CPED1: variants seen among roughly 807,000 people sequenced by gnomAD.
CPED1 encodes the protein cadherin-like and PC-esterase domain-containing protein 1.
A neutral mutation model predicts 128.2 loss-of-function variants in CPED1; 114 were observed. The ratio of observed to expected loss-of-function variants is 0.89; its 90% CI spans 0.76 to 1.04. The LOEUF (loss-of-function observed/expected upper bound fraction) is 1.04. CPED1 is among the 50% of genes least tolerant of loss of function. The pLI, the probability that CPED1 is intolerant of heterozygous loss-of-function variation, is 0.00. For synonymous variants in CPED1, 462 were observed against 426.7 expected (o/e 1.08, Z -1.02); for missense variants, 1,211 against 1,207.1 (o/e 1.00, Z -0.05).
intron 16 of CPED1, among the ~76,000 whole-genome samples, chr7:121,224,956 G>T (rs554318816): frequency 6.6e-6 from 1 of 151,970 alleles, no homozygotes; most frequent in African/African-American, 2.4e-5. Context: ...TTTAATTGGG[G>T]CATTTAGCCC....
At chr7:121,245,167 T>A (rs529426235) in intron 18 of CPED1, among the ~76,000 whole-genome samples, 1 of 152,288 alleles carries the variant, frequency 6.6e-6, no homozygotes, top group Non-Finnish European at 1.5e-5. Flanking sequence ...GGGCAGAAGG[T>A]ATGCCAATTT....
At chr7:121,159,944 A>G (rs917261645) in intron 16 of CPED1, among the ~76,000 whole-genome samples, 7 of 152,212 alleles carry the variant, frequency 4.6e-5, no homozygotes, top group African/African-American at 1.4e-4. Context: ...TTAATATGAC[A>G]TTCTTGAAAA....
chr7:121,011,567 C>T (rs1376771197), intron 2 of CPED1, among the ~76,000 whole-genome samples: 1 of 152,094 alleles, frequency 6.6e-6, no homozygotes, highest in African/African-American at 2.4e-5. Context: ...TATTATGTGT[C>T]TCTTATATGC....
At chr7:121,077,425 G>A (rs1471410795) in intron 5 of CPED1, among the ~76,000 whole-genome samples, 1 of 151,820 alleles carries the variant, frequency 6.6e-6, no homozygotes, top group African/African-American at 2.4e-5. Flanking sequence ...ATACAGATAA[G>A]CAAAAAGAAA....
rs5887026 is a variant in CPED1, at chr7:121,275,936, TAAAA to T, written c.2868+4516_2868+4519del. Reference sequence around the variant, plus strand: ...AGAAAGAAACTTTAAATTCATCCGGTAAAAAAAAAAAAACTGAAATAATGACTTT... The same window carrying T: ...AGAAAGAAACTTTAAATTCATCCGGTAAAAAAAAACTGAAATAATGACTTT... On this transcript the variant is annotated intron_variant, in intron 22 of 22. Transcript: ENST00000310396. Among the ~76,000 whole-genome samples, 144 of 129,452 alleles carry T rather than the reference TAAAA, an allele frequency of 1.1e-3. 1 individual carries two copies. The highest frequency in any genetic ancestry group is 3.8e-3 in the African/African-American group (138 of 35,946). The allele number at this position is 129,452 out of a possible 152,430, so 84.9% of individuals were successfully genotyped here.
rs753671189 is a variant in CPED1 at position 121,100,086 on chromosome 7, A to G, written c.910A>G (p.Thr304Ala). ...VWNPPKKKRF[T>A]VKLQTFFETF... is the part of the protein sequence containing the mutation. Reference sequence around the variant, plus strand: ...GAATCCACCAAAGAAAAAACGCTTCACTGTCAAGGTAAGCTCTCGGTTGAA... The same window carrying G: ...GAATCCACCAAAGAAAAAACGCTTCGCTGTCAAGGTAAGCTCTCGGTTGAA... Residue 304 changes from threonine (T) to alanine (A), a missense_variant, in exon 7 of 23, where the codon ACT becomes GCT. Transcript: ENST00000310396. The G allele has an allele frequency of 2.5e-6, 4 of 1,613,262 alleles. No homozygotes were observed. The highest frequency in any genetic ancestry group is 2.2e-5 in the South Asian group (2 of 90,986).
At chr7:121,277,222 C>G (rs1792347615) in intron 22 of CPED1, among the ~76,000 whole-genome samples, 1 of 151,992 alleles carries the variant, frequency 6.6e-6, no homozygotes, top group South Asian at 2.1e-4. Flanking sequence ...GAGAAACTGG[C>G]AATTGAGACA....
intron 5 of CPED1, among the ~76,000 whole-genome samples, chr7:121,090,890 A>T (rs12534510): frequency 6.6e-6 from 1 of 151,954 alleles, no homozygotes; most frequent in South Asian, 2.1e-4. Context: ...CAGAGGTTGT[A>T]GTGAGCCGAG....
At chr7:121,193,192 T>C (rs899175858) in intron 16 of CPED1, among the ~76,000 whole-genome samples, 1 of 152,198 alleles carries the variant, frequency 6.6e-6, no homozygotes, top group African/African-American at 2.4e-5. Context: ...ATTTGTGGTT[T>C]ATATTTTAGC....
intron 5 of CPED1, among the ~76,000 whole-genome samples, chr7:121,087,665 C>CTTTCTT (rs72453872): frequency 7.6e-6 from 1 of 131,572 alleles, no homozygotes. Flanking sequence ...CTTTTCTTTC[C>CTTTCTT]TGTTTTTTTT....
At chr7:121,115,969 T>C (rs1563031428) in intron 7 of CPED1, among the ~76,000 whole-genome samples, 2 of 152,162 alleles carry the variant, frequency 1.3e-5, no homozygotes, top group Non-Finnish European at 2.9e-5. Context: ...GAAGGGATAA[T>C]AAAGAAAACC....
intron 2 of CPED1, among the ~76,000 whole-genome samples, chr7:121,004,464 T>C (rs1585012149): frequency 2.0e-5 from 3 of 152,190 alleles, no homozygotes; most frequent in African/African-American, 4.8e-5. Context: ...ATGTTTGCTC[T>C]GTGCCAGAAA....
At chr7:121,244,605 C>G (rs568335033) in intron 18 of CPED1, among the ~76,000 whole-genome samples, 9 of 152,244 alleles carry the variant, frequency 5.9e-5, no homozygotes, top group Non-Finnish European at 1.3e-4. Flanking sequence ...CGATTCCATG[C>G]TGTTTTCTCA....
intron 16 of CPED1, among the ~76,000 whole-genome samples, chr7:121,211,455 C>A (rs1311459123): frequency 7.1e-6 from 1 of 140,586 alleles, no homozygotes; most frequent in African/African-American, 2.6e-5. Context: ...AGTATCCGAT[C>A]TGGGCAGAGT....
In CPED1 at chr7:121,097,415, T is replaced by C. The variant is rs183567786; in HGVS notation, c.617-284T>C. 4.1e-4 allele frequency among the ~76,000 whole-genome samples: 62 copies of C among 152,248 alleles called. 2 individuals are homozygous for C. The highest frequency in any genetic ancestry group is 1.4e-3 in the African/African-American group (60 of 41,572). ...CTTTGTAGGATAGATCAGCTTGATG[T>C]TGGACAGTTAGAGACATTGTATCTA... On this transcript the variant is annotated intron_variant, in intron 5 of 22. Coordinates refer to ENST00000310396, the MANE Select transcript of CPED1 (RefSeq NM_024913.5).
chr7:120,998,999 A>G (rs1292783488), intron 2 of CPED1, among the ~76,000 whole-genome samples: 1 of 152,172 alleles, frequency 6.6e-6, no homozygotes, highest in African/African-American at 2.4e-5. Context: ...CAAATGCTTT[A>G]GTTGATTGGC....
intron 12 of CPED1, among the ~76,000 whole-genome samples, chr7:121,130,679 A>G (rs930560963): frequency 9.1e-4 from 139 of 152,100 alleles, no homozygotes; most frequent in African/African-American, 3.2e-3. Flanking sequence ...AAAATTATTT[A>G]TTTAGAAAGT....
chr7:121,289,048 G>A (rs1240536465), intron 22 of CPED1, among the ~76,000 whole-genome samples: 1 of 152,072 alleles, frequency 6.6e-6, no homozygotes, highest in Non-Finnish European at 1.5e-5. Context: ...AATAAGGGTG[G>A]AAAGAGCTGT....
At chr7:121,076,489 TG>T (rs375178134) in intron 5 of CPED1, 2 of 152,326 alleles carry the variant, frequency 1.3e-5, no homozygotes, top group African/African-American at 4.8e-5. Context: ...CTTATGTGGT[TG>T]GTTGATCCTT....
Sources: allele counts gnomAD v4.1 joint callset (sites outside exome capture counted in the v4.1 genomes callset), GRCh38; gene constraint gnomAD v4.1.1; transcripts MANE v1.5; gene names NCBI Gene and HGNC (gene_info 2026-07-23, HGNC 2026-07-21).